The following DNM3 variants were observed in gnomAD, a reference collection of about 807,000 sequenced individuals.
DNM3 encodes the protein dynamin-3.
A neutral mutation model predicts 101.6 loss-of-function variants in DNM3; 47 were observed. The observed-to-expected ratio is 0.46, with a 90% CI of 0.37 to 0.59. DNM3 has a LOEUF of 0.59. DNM3 is among the 20% of genes least tolerant of loss of function. The pLI, the probability that DNM3 is intolerant of heterozygous loss-of-function variation, is 0.00. For synonymous variants in DNM3, 385 were observed against 387.9 expected (o/e 0.99, Z 0.09); for missense variants, 849 against 1,085.7 (o/e 0.78, Z 3.06).
intron 1 of DNM3, among the ~76,000 whole-genome samples, chr1:171,914,294 A>C (rs994959300): frequency 4.6e-5 from 7 of 152,026 alleles, no homozygotes; most frequent in African/African-American, 1.7e-4. Flanking sequence ...AGTAGCTGGG[A>C]TTACAGGCAT....
chr1:171,985,121 T>G (rs1204379358), intron 2 of DNM3, among the ~76,000 whole-genome samples: 2 of 152,216 alleles, frequency 1.3e-5, no homozygotes, highest in Non-Finnish European at 2.9e-5. Flanking sequence ...CGATTAGCAG[T>G]GATTGAAAAT....
At chr1:172,217,662 A>G (rs576485105) in intron 14 of DNM3, among the ~76,000 whole-genome samples, 2 of 152,172 alleles carry the variant, frequency 1.3e-5, no homozygotes, top group South Asian at 2.1e-4. Context: ...CTTACAATCT[A>G]CTATATACCA....
At chr1:171,953,560 T>G (rs988073826) in intron 2 of DNM3, among the ~76,000 whole-genome samples, 1 of 151,964 alleles carries the variant, frequency 6.6e-6, no homozygotes, top group African/African-American at 2.4e-5. Flanking sequence ...CCCGAGTAGC[T>G]GGGATTACAG....
At chr1:171,878,556 G>A (rs2035979992) in intron 1 of DNM3, among the ~76,000 whole-genome samples, 1 of 152,112 alleles carries the variant, frequency 6.6e-6, no homozygotes, top group Admixed American at 6.5e-5. Flanking sequence ...AGAGATTTGT[G>A]TTAAGTGACA....
intron 1 of DNM3, among the ~76,000 whole-genome samples, chr1:171,885,827 G>A (rs2036710062): frequency 6.6e-6 from 1 of 152,178 alleles, no homozygotes; most frequent in South Asian, 2.1e-4. Context: ...CTAGGCCCAA[G>A]GGGTGGCCAA....
rs1440146639 is a variant in DNM3 at position 172,250,569 on chromosome 1, T to C, written c.1660-3004T>C. The stretch of plus-strand genomic sequence containing the variant: ...AGGCAAGAGACTAGATAGGAGACCA[T>C]TTGTGACCACATGCTTGTGAGATGC... On this transcript the variant is annotated intron_variant, in intron 14 of 20. Transcript: ENST00000627582. Among the ~76,000 whole-genome samples, 7 of 152,226 alleles carry C rather than the reference T, an allele frequency of 4.6e-5. No homozygotes were observed. The East Asian group carries it at 1.4e-3, about 29-fold the overall frequency.
chr1:172,202,333 G>C (rs909924189), intron 14 of DNM3, among the ~76,000 whole-genome samples: 1 of 152,024 alleles, frequency 6.6e-6, no homozygotes, highest in African/African-American at 2.4e-5. Flanking sequence ...AAACCATCTA[G>C]GCCTGGTGCT....
chr1:172,098,218 G>A (rs1040083591), intron 13 of DNM3, among the ~76,000 whole-genome samples: 3 of 152,162 alleles, frequency 2.0e-5, no homozygotes, highest in Middle Eastern at 3.4e-3. Flanking sequence ...CTACAGCTTC[G>A]ACCGTAAAAG....
intron 13 of DNM3, among the ~76,000 whole-genome samples, chr1:172,117,076 A>C (rs1009580744): frequency 1.3e-5 from 2 of 152,010 alleles, no homozygotes; most frequent in African/African-American, 4.8e-5. Context: ...ATGGTGGTGC[A>C]TGCTTGTAAT....
intron 14 of DNM3, among the ~76,000 whole-genome samples, chr1:172,233,110 GA>G (rs1280445087): frequency 6.6e-6 from 1 of 152,076 alleles, no homozygotes. Flanking sequence ...CTAGTTTTTT[GA>G]AAAGATCAAC....
intron 4 of DNM3, among the ~76,000 whole-genome samples, chr1:172,007,611 G>A (rs1204470500): frequency 2.6e-5 from 4 of 151,894 alleles, no homozygotes; most frequent in African/African-American, 7.3e-5. Context: ...CTTTTGAAGA[G>A]CAAATTTTAC....
chr1:171,844,034 G>A (rs553346274), intron 1 of DNM3, among the ~76,000 whole-genome samples: 1 of 152,298 alleles, frequency 6.6e-6, no homozygotes, highest in East Asian at 1.9e-4. Context: ...GCCTAGCAGA[G>A]CTTACATATT....
At chr1:172,125,089 G>A (rs1019361474) in intron 13 of DNM3, among the ~76,000 whole-genome samples, 11 of 152,124 alleles carry the variant, frequency 7.2e-5, no homozygotes, top group African/African-American at 2.7e-4. Flanking sequence ...AGGCTCCAAG[G>A]TATGTGAACT....
chr1:172,268,131 C>G (rs1316993903), intron 15 of DNM3, among the ~76,000 whole-genome samples: 2 of 152,172 alleles, frequency 1.3e-5, no homozygotes, highest in Admixed American at 1.3e-4. Flanking sequence ...AGGGCTCAGA[C>G]AGAGACTTGA....
At chr1:172,401,249 G>A (rs751456220) in intron 20 of DNM3, among the ~76,000 whole-genome samples, 1 of 152,186 alleles carries the variant, frequency 6.6e-6, no homozygotes, top group Non-Finnish European at 1.5e-5. Flanking sequence ...GCTTGCCTGA[G>A]TGAATGTTGT....
intron 5 of DNM3, 102 bp from the exon 6 acceptor site, chr1:172,033,003 T>C: frequency 7.2e-7 from 1 of 1,380,880 alleles, no homozygotes; most frequent in Non-Finnish European, 9.7e-7. Flanking sequence ...GGCCTAAAAC[T>C]AGTTTTGCCT....
chr1:172,298,094 T>A (rs961960154), intron 15 of DNM3, among the ~76,000 whole-genome samples: 2 of 152,174 alleles, frequency 1.3e-5, no homozygotes, highest in Admixed American at 1.3e-4. Context: ...TTAATTTTTT[T>A]AATTTAAAAA....
At chr1:172,383,711 G>T (rs1408365576) in intron 18 of DNM3, among the ~76,000 whole-genome samples, 1 of 152,114 alleles carries the variant, frequency 6.6e-6, no homozygotes, top group South Asian at 2.1e-4. Flanking sequence ...AACATATTAC[G>T]GGTTGCTAGA....
rs533378281 is a variant in DNM3, at chr1:172,186,826, G to T, written c.1659+55538G>T. On this transcript the variant is annotated intron_variant, in intron 14 of 20. Transcript: ENST00000627582. ...TAGGAGTTATAGATGTTTTCCTTAGGCTATTGCACACATTCACAGATTGAT... is the reference window on the plus strand; with the variant it reads ...TAGGAGTTATAGATGTTTTCCTTAGTCTATTGCACACATTCACAGATTGAT... 1.1e-4 allele frequency among the ~76,000 whole-genome samples: 16 copies of T among 152,114 alleles called. No homozygotes were observed. The South Asian group carries it at 1.9e-3, about 18-fold the overall frequency.
Sources: gnomAD v4.1 joint callset for allele counts (sites outside exome capture counted in the v4.1 genomes callset) on GRCh38, gnomAD v4.1.1 for gene constraint, MANE v1.5 for transcripts, NCBI Gene and HGNC (gene_info 2026-07-23, HGNC 2026-07-21) for gene names.